SEMA5A: variants seen among roughly 807,000 people sequenced by gnomAD.
The protein encoded by SEMA5A is semaphorin-5A.
SEMA5A carries 55 observed loss-of-function variants against 135.5 expected under a neutral mutation model. The observed-to-expected ratio is 0.41, with a 90% CI of 0.33 to 0.51. The LOEUF (loss-of-function observed/expected upper bound fraction) is 0.51, where lower values mean the gene tolerates loss of function less well. Ranked by LOEUF, SEMA5A falls within the 20% of genes least tolerant of loss-of-function variation. The pLI, the probability that SEMA5A is intolerant of heterozygous loss-of-function variation, is 0.37. For synonymous variants in SEMA5A, 580 were observed against 546.5 expected (o/e 1.06, Z -0.85); for missense variants, 1,290 against 1,419.9 (o/e 0.91, Z 1.47).
chr5:9,430,815 C>A (rs1757830488), intron 2 of SEMA5A, among the ~76,000 whole-genome samples: 1 of 150,846 alleles, frequency 6.6e-6, no homozygotes, highest in African/African-American at 2.4e-5. Context: ...CAAGTACAGG[C>A]AAATACTTTA....
At chr5:9,371,656 A>C (rs1014857908) in intron 3 of SEMA5A, among the ~76,000 whole-genome samples, 1 of 152,224 alleles carries the variant, frequency 6.6e-6, no homozygotes, top group East Asian at 1.9e-4. Context: ...AGATTAAAAT[A>C]TTTTGCCAAT....
At chr5:9,485,421 AG>A (rs1445592442) in intron 1 of SEMA5A, among the ~76,000 whole-genome samples, 1 of 152,220 alleles carries the variant, frequency 6.6e-6, no homozygotes, top group African/African-American at 2.4e-5. Flanking sequence ...TGAACTAAAA[AG>A]GTTGCTGGAA....
At chr5:9,332,529 C>A (rs1190699929) in intron 4 of SEMA5A, among the ~76,000 whole-genome samples, 10 of 144,138 alleles carry the variant, frequency 6.9e-5, no homozygotes. Context: ...GGCTGGCACT[C>A]ACATTGGGTC....
chr5:9,237,721 C>T, intron 6 of SEMA5A, 107 bp downstream of exon 6: 7 of 973,850 alleles, frequency 7.2e-6, no homozygotes, highest in Non-Finnish European at 7.6e-6. Context: ...GCTTTTTTCA[C>T]TTTACATGGC....
At chr5:9,081,371 AATTT>A (rs1227569482) in intron 16 of SEMA5A, among the ~76,000 whole-genome samples, 1 of 152,134 alleles carries the variant, frequency 6.6e-6, no homozygotes, top group Admixed American at 6.5e-5. Context: ...AATTTGTGCT[AATTT>A]ATTACCTAGC....
chr5:9,462,365 A>G (rs1561272912), intron 1 of SEMA5A, among the ~76,000 whole-genome samples: 1 of 152,216 alleles, frequency 6.6e-6, no homozygotes. Flanking sequence ...ATGCTTAGAC[A>G]CTGTTGGTGG....
At chr5:9,113,735 C>G (rs1051701526) in intron 15 of SEMA5A, among the ~76,000 whole-genome samples, 3 of 152,090 alleles carry the variant, frequency 2.0e-5, no homozygotes, top group Non-Finnish European at 4.4e-5. Context: ...AAATTCAAAT[C>G]AAAACCACAA....
intron 12 of SEMA5A, among the ~76,000 whole-genome samples, chr5:9,143,021 G>A (rs916930409): frequency 3.9e-5 from 6 of 152,236 alleles, no homozygotes; most frequent in African/African-American, 1.4e-4. Context: ...GTAGACAATA[G>A]CCTTCCTGAG....
chr5:9,143,286 C>T (rs973068471), intron 12 of SEMA5A, among the ~76,000 whole-genome samples: 1 of 152,128 alleles, frequency 6.6e-6, no homozygotes, highest in Admixed American at 6.6e-5. Context: ...ATTGAAAATA[C>T]TAAGTCCAGC....
chr5:9,341,064 C>T (rs1234815372), intron 3 of SEMA5A, among the ~76,000 whole-genome samples: 1 of 151,992 alleles, frequency 6.6e-6, no homozygotes, highest in Non-Finnish European at 1.5e-5. Flanking sequence ...TCTCCTATTT[C>T]AAAAAGCATT....
At chr5:9,216,639 TA>T (rs1324536224) in intron 8 of SEMA5A, among the ~76,000 whole-genome samples, 1 of 152,168 alleles carries the variant, frequency 6.6e-6, no homozygotes, top group Non-Finnish European at 1.5e-5. Flanking sequence ...TGAAGGTCTC[TA>T]AAAACTTATG....
chr5:9,396,099 A>T (rs185631162), intron 2 of SEMA5A, among the ~76,000 whole-genome samples: 118 of 152,330 alleles, frequency 7.7e-4, no homozygotes, highest in Non-Finnish European at 1.8e-4. Context: ...GAAGCTACCC[A>T]CACGAGAAGT....
At position 9,037,522 on chromosome 5, in the gene SEMA5A, G is replaced by C. The variant is rs938252756; in HGVS notation, c.*5375C>G. On this transcript the variant is annotated 3_prime_UTR_variant, in exon 23 of 23. Transcript: ENST00000382496. ...ACAGATGACCACTGAGTATATCTTT[G>C]ATCTATCTGCTAAAACAATGTGTAC... is the stretch of plus-strand genomic sequence containing the variant. 1 of 152,110 alleles carries C rather than the reference G, an allele frequency of 6.6e-6. No homozygotes were observed. The highest frequency in any genetic ancestry group is 1.5e-5 in the Non-Finnish European group (1 of 68,018). The allele number at this position is 152,110 out of a possible 1,614,324, so 9.4% of individuals were successfully genotyped here.
intron 5 of SEMA5A, among the ~76,000 whole-genome samples, chr5:9,282,912 G>A (rs929333913): frequency 2.0e-5 from 3 of 152,156 alleles, no homozygotes; most frequent in African/African-American, 7.2e-5. Flanking sequence ...ATTGAGCCAT[G>A]ACAATCAGGT....
At chr5:9,305,094 T>C (rs1251749986) in intron 5 of SEMA5A, among the ~76,000 whole-genome samples, 1 of 152,110 alleles carries the variant, frequency 6.6e-6, no homozygotes, top group Non-Finnish European at 1.5e-5. Flanking sequence ...TATCTCCCTT[T>C]GCCCTCATCC....
At chr5:9,140,014 C>T (rs1303517402) in intron 12 of SEMA5A, among the ~76,000 whole-genome samples, 1 of 152,108 alleles carries the variant, frequency 6.6e-6, no homozygotes, top group Admixed American at 6.5e-5. Flanking sequence ...ACATCTCAAA[C>T]CCCACACAAA....
rs1736134988 is a variant in SEMA5A, at chr5:9,044,487, C to T, written c.2991G>A (p.Gln997=). 6.2e-7 allele frequency: 1 copy of T among 1,613,960 alleles called. No homozygotes were observed. Among genetic ancestry groups the T allele is most frequent in the Non-Finnish European group, 8.5e-7 (1 of 1,179,994 alleles). ...LLVYTYCQRY[Q]QQSHDATVIH... is the part of the protein sequence containing the mutation. ...TGACAGTCGCATCGTGGGATTGCTG[C>T]TGGTACCGCTGGCAGTAAGTATAGA... Residue 997 remains glutamine, a synonymous_variant, in exon 22 of 23, where the codon CAG becomes CAA. Coordinates refer to ENST00000382496, the MANE Select transcript of SEMA5A (RefSeq NM_003966.3).
intron 3 of SEMA5A, among the ~76,000 whole-genome samples, chr5:9,364,689 G>A (rs2126399936): frequency 6.6e-6 from 1 of 152,222 alleles, no homozygotes; most frequent in Admixed American, 6.5e-5. Context: ...TATAACGTGA[G>A]TTATTTGAAA....
chr5:9,207,957 T>C (rs1435526460), intron 8 of SEMA5A, among the ~76,000 whole-genome samples: 1 of 152,160 alleles, frequency 6.6e-6, no homozygotes, highest in East Asian at 1.9e-4. Flanking sequence ...TTTGTGTCTG[T>C]GTATATGTGT....
Sources: gnomAD v4.1 joint callset for allele counts (sites outside exome capture counted in the v4.1 genomes callset) on GRCh38, gnomAD v4.1.1 for gene constraint, MANE v1.5 for transcripts, NCBI Gene and HGNC (gene_info 2026-07-23, HGNC 2026-07-21) for gene names.